Variants in XKR4 observed in about 807,000 individuals in gnomAD.
XKR4 encodes XK-related protein 4.
In XKR4, 12 loss-of-function variants were observed where a neutral mutation model predicts 53.9. That is an observed-to-expected ratio of 0.22 (90% CI 0.14 to 0.36). The LOEUF is 0.36. Ranked by LOEUF, XKR4 falls within the 10% of genes least tolerant of loss-of-function variation. XKR4 has a pLI of 1.00. For synonymous variants in XKR4, 354 were observed against 362.4 expected, an observed-to-expected ratio of 0.98 and a Z score of 0.26; for missense variants, 799 against 859.5, an observed-to-expected ratio of 0.93 and a Z score of 0.88.
At chr8:55,462,749 A>G (rs1051145074) in intron 2 of XKR4, among the ~76,000 whole-genome samples, 1 of 152,246 alleles carries the variant, frequency 6.6e-6, no homozygotes, top group African/African-American at 2.4e-5. Context: ...GCAGAGACAC[A>G]CATAGGCTCA....
chr8:55,139,363 A>C (rs1010044372), intron 1 of XKR4, among the ~76,000 whole-genome samples: 4 of 152,104 alleles, frequency 2.6e-5, no homozygotes, highest in African/African-American at 9.7e-5. Context: ...GTAAAACCCT[A>C]TCTCTACTAA....
At chr8:55,518,611 A>T (rs1057012077) in intron 2 of XKR4, among the ~76,000 whole-genome samples, 1 of 152,220 alleles carries the variant, frequency 6.6e-6, no homozygotes, top group Non-Finnish European at 1.5e-5. Flanking sequence ...GTTGTCACCT[A>T]CAGCCAGATT....
chr8:55,281,961 A>G (rs1818849712), intron 1 of XKR4, among the ~76,000 whole-genome samples: 2 of 152,210 alleles, frequency 1.3e-5, no homozygotes, highest in South Asian at 2.1e-4. Context: ...TCCTTGGCTT[A>G]TGTGCTTCCT....
intron 1 of XKR4, among the ~76,000 whole-genome samples, chr8:55,214,141 G>T (rs1817770648): frequency 6.6e-6 from 1 of 151,938 alleles, no homozygotes; most frequent in Non-Finnish European, 1.5e-5. Flanking sequence ...AGGATTGCAG[G>T]CATGAGCCAC....
chr8:55,444,912 T>C (rs1013181050), intron 2 of XKR4, among the ~76,000 whole-genome samples: 10 of 152,214 alleles, frequency 6.6e-5, no homozygotes, highest in Admixed American at 5.2e-4. Flanking sequence ...TCTATAATTA[T>C]GTATGGCAAA....
At chr8:55,141,047 A>G (rs1211273432) in intron 1 of XKR4, among the ~76,000 whole-genome samples, 1 of 152,180 alleles carries the variant, frequency 6.6e-6, no homozygotes. Flanking sequence ...GTGTGAAAAC[A>G]TCACCACAAT....
intron 2 of XKR4, among the ~76,000 whole-genome samples, chr8:55,380,767 G>A (rs1221120390): frequency 2.6e-5 from 4 of 152,238 alleles, no homozygotes; most frequent in East Asian, 1.9e-4. Flanking sequence ...TACTGATTTC[G>A]CAGATGTATC....
intron 1 of XKR4, among the ~76,000 whole-genome samples, chr8:55,120,619 C>G (rs1321315555): frequency 6.6e-6 from 1 of 151,796 alleles, no homozygotes; most frequent in Non-Finnish European, 1.5e-5. Flanking sequence ...CCGAAAGTTC[C>G]CATATGCCCT....
At chr8:55,431,638 A>G (rs1409819169) in intron 2 of XKR4, among the ~76,000 whole-genome samples, 1 of 152,234 alleles carries the variant, frequency 6.6e-6, no homozygotes, top group Non-Finnish European at 1.5e-5. Flanking sequence ...GATAGTGTGT[A>G]CAACTTCTCA....
intron 2 of XKR4, among the ~76,000 whole-genome samples, chr8:55,422,771 A>G (rs1055668937): frequency 4.6e-5 from 7 of 152,242 alleles, no homozygotes; most frequent in Admixed American, 4.6e-4. Flanking sequence ...GCAGCAAAGC[A>G]TAAAATTGGA....
At chr8:55,485,553 A>G (rs1563364015) in intron 2 of XKR4, among the ~76,000 whole-genome samples, 1 of 152,168 alleles carries the variant, frequency 6.6e-6, no homozygotes, top group Non-Finnish European at 1.5e-5. Flanking sequence ...AGCATTTTGT[A>G]TTTTTAGTAG....
chr8:55,289,605 GAAAGA>G (rs1427023661), intron 1 of XKR4, among the ~76,000 whole-genome samples: 1 of 104,032 alleles, frequency 9.6e-6, no homozygotes, highest in African/African-American at 4.1e-5. Flanking sequence ...AAGAAAGAAA[GAAAGA>G]AAGAAAGAAA....
chr8:55,152,962 G>A (rs764689480), intron 1 of XKR4, among the ~76,000 whole-genome samples: 28 of 152,208 alleles, frequency 1.8e-4, no homozygotes, highest in Non-Finnish European at 3.7e-4. Context: ...GTTCTTTATA[G>A]TATGAACCCA....
chr8:55,318,136 G>A (rs895313822), intron 1 of XKR4, among the ~76,000 whole-genome samples: 61 of 152,066 alleles, frequency 4.0e-4, no homozygotes, highest in African/African-American at 4.8e-5. Context: ...GATCATTTTA[G>A]GGTTACTGGG....
At chr8:55,496,695 A>G (rs1466955896) in intron 2 of XKR4, among the ~76,000 whole-genome samples, 1 of 152,216 alleles carries the variant, frequency 6.6e-6, no homozygotes, top group African/African-American at 2.4e-5. Context: ...ATGTGATTTT[A>G]TATTTGAATC....
At chr8:55,312,323 A>T (rs550098356) in intron 1 of XKR4, among the ~76,000 whole-genome samples, 2 of 152,208 alleles carry the variant, frequency 1.3e-5, no homozygotes, top group Non-Finnish European at 2.9e-5. Context: ...ATAGTTGCCA[A>T]CTTATAATGA....
intron 1 of XKR4, among the ~76,000 whole-genome samples, chr8:55,235,026 T>C (rs963122400): frequency 2.0e-5 from 3 of 152,228 alleles, no homozygotes; most frequent in African/African-American, 7.2e-5. Context: ...CAACTTATTC[T>C]TTCACAGCTC....
intron 1 of XKR4, among the ~76,000 whole-genome samples, chr8:55,213,297 T>C (rs977428821): frequency 3.3e-5 from 5 of 152,082 alleles, no homozygotes; most frequent in Non-Finnish European, 7.4e-5. Context: ...GTGTTGATTG[T>C]TGGGTCGGAG....
chr8:55,248,016 C>G (rs1274085762), intron 1 of XKR4, among the ~76,000 whole-genome samples: 5 of 151,594 alleles, frequency 3.3e-5, no homozygotes, highest in African/African-American at 1.2e-4. Context: ...CCACTACACC[C>G]AGCTAATTTT....
Sources: allele counts gnomAD v4.1 joint callset (sites outside exome capture counted in the v4.1 genomes callset), GRCh38; gene constraint gnomAD v4.1.1; transcripts MANE v1.5; gene names NCBI Gene and HGNC (gene_info 2026-07-23, HGNC 2026-07-21).